Variants in DPYD observed in about 807,000 individuals in gnomAD.
DPYD encodes dihydropyrimidine dehydrogenase.
A neutral mutation model predicts 116.2 loss-of-function variants in DPYD; 109 were observed. The observed-to-expected ratio is 0.94, with a 90% CI of 0.80 to 1.10. DPYD has a LOEUF of 1.10. Among genes scored for constraint, DPYD ranks in the 50% least tolerant of loss-of-function variants. DPYD has a pLI of 0.00. For synonymous variants in DPYD, 440 were observed against 432.0 expected, an observed-to-expected ratio of 1.02 and a Z score of -0.23; for missense variants, 1,302 against 1,254.5, an observed-to-expected ratio of 1.04 and a Z score of -0.57.
chr1:97,230,986 A>C (rs1309182176), intron 19 of DPYD, among the ~76,000 whole-genome samples: 1 of 152,210 alleles, frequency 6.6e-6, no homozygotes, highest in African/African-American at 2.4e-5. Context: ...GAGGAGCCTA[A>C]GTAGAAACTG....
intron 12 of DPYD, among the ~76,000 whole-genome samples, chr1:97,524,912 C>G (rs116021858): frequency 1.3e-5 from 2 of 152,154 alleles, no homozygotes; most frequent in South Asian, 4.1e-4. Flanking sequence ...AAACCCCTGA[C>G]GCAAATTTTC....
chr1:97,361,703 C>A (rs1670735673), intron 16 of DPYD, among the ~76,000 whole-genome samples: 1 of 152,184 alleles, frequency 6.6e-6, no homozygotes, highest in Admixed American at 6.5e-5. Context: ...ATGACAAAAA[C>A]CATATGATTA....
intron 19 of DPYD, among the ~76,000 whole-genome samples, chr1:97,210,688 G>C (rs1228826790): frequency 1.3e-5 from 2 of 152,098 alleles, no homozygotes; most frequent in African/African-American, 2.4e-5. Context: ...TGTCTAGAAA[G>C]TAGGATAGAA....
intron 3 of DPYD, among the ~76,000 whole-genome samples, chr1:97,761,092 C>T (rs116242946): frequency 2.9e-3 from 444 of 152,112 alleles, no homozygotes; most frequent in Non-Finnish European, 4.8e-3. Flanking sequence ...GGGACTACTC[C>T]CAGAGCCACC....
At chr1:97,887,129 C>T (rs918497052) in intron 1 of DPYD, among the ~76,000 whole-genome samples, 1 of 151,932 alleles carries the variant, frequency 6.6e-6, no homozygotes, top group Non-Finnish European at 1.5e-5. Flanking sequence ...CAAGGCTGCA[C>T]CCTGTGAGAA....
At chr1:97,703,518 T>C (rs1307942424) in intron 5 of DPYD, among the ~76,000 whole-genome samples, 1 of 152,032 alleles carries the variant, frequency 6.6e-6, no homozygotes, top group African/African-American at 2.4e-5. Context: ...TTTCACCTAG[T>C]GTTCAAATTC....
intron 2 of DPYD, among the ~76,000 whole-genome samples, chr1:97,871,762 A>C (rs1671668685): frequency 2.6e-5 from 4 of 151,766 alleles, no homozygotes; most frequent in Admixed American, 2.6e-4. Flanking sequence ...TACCATCCTC[A>C]GTATCTTGCT....
At chr1:97,699,590 C>A in intron 5 of DPYD, 43 bp from the exon 6 acceptor site, 3 of 1,565,182 alleles carry the variant, frequency 1.9e-6, no homozygotes. Context: ...TTGAAACTAG[C>A]TTACATCCTC....
At chr1:97,721,428 G>C (rs1662916430) in intron 5 of DPYD, 82 bp downstream of exon 5, 3 of 1,543,786 alleles carry the variant, frequency 1.9e-6, no homozygotes, top group Non-Finnish European at 1.8e-6. Flanking sequence ...GGTATCAACA[G>C]AGCACCAAGG....
intron 13 of DPYD, among the ~76,000 whole-genome samples, chr1:97,491,695 C>T (rs968285662): frequency 1.3e-5 from 2 of 151,966 alleles, no homozygotes; most frequent in African/African-American, 4.8e-5. Context: ...ACAATATAAA[C>T]AATATGAAAA....
intron 3 of DPYD, among the ~76,000 whole-genome samples, chr1:97,817,751 A>C (rs1208753195): frequency 1.3e-5 from 2 of 152,088 alleles, no homozygotes; most frequent in Non-Finnish European, 2.9e-5. Flanking sequence ...TTTAAGGTTT[A>C]CTTAAGCTTT....
rs1367761073 is a variant in DPYD, at chr1:97,316,711, TG to T, written c.2059-10415del. ...AGTCTAGTTCTCCCTTTCCGCTATC[TG>T]TACTCTACATTTCTAGACTTTATCC... On this transcript the variant is annotated intron_variant, in intron 16 of 22. Transcript: ENST00000370192. Among the ~76,000 whole-genome samples the T allele has an allele frequency of 2.0e-5, 3 of 151,850 alleles. No homozygotes were observed. In the East Asian group the frequency reaches 5.9e-4, roughly 30 times the overall value.
intron 18 of DPYD, among the ~76,000 whole-genome samples, chr1:97,248,386 A>T (rs766702695): frequency 2.8e-4 from 42 of 152,156 alleles, no homozygotes; most frequent in Non-Finnish European, 5.3e-4. Flanking sequence ...GCCTGCTGCC[A>T]TCCATGTAAG....
chr1:97,098,410 C>T, intron 21 of DPYD, 79 bp downstream of exon 21: 2 of 1,509,208 alleles, frequency 1.3e-6, no homozygotes, highest in South Asian at 2.3e-5. Context: ...TACATTTAAG[C>T]AGTAAATAAA....
chr1:97,647,308 T>C (rs561490496), intron 8 of DPYD, among the ~76,000 whole-genome samples: 27 of 152,048 alleles, frequency 1.8e-4, no homozygotes, highest in Non-Finnish European at 3.1e-4. Context: ...TTATAAGTAA[T>C]CTTATATTTG....
intron 20 of DPYD, among the ~76,000 whole-genome samples, chr1:97,128,376 T>C (rs1653011070): frequency 6.6e-6 from 1 of 152,228 alleles, no homozygotes; most frequent in South Asian, 2.1e-4. Context: ...GTCTTTGAAC[T>C]AAACAAGAGT....
intron 3 of DPYD, among the ~76,000 whole-genome samples, chr1:97,785,877 T>A (rs972847106): frequency 5.3e-5 from 8 of 150,986 alleles, no homozygotes; most frequent in Non-Finnish European, 1.0e-4. Flanking sequence ...TATTTTGTAG[T>A]AGAGATGGGG....
intron 14 of DPYD, among the ~76,000 whole-genome samples, chr1:97,422,866 A>G (rs1297976524): frequency 1.3e-5 from 2 of 152,170 alleles, no homozygotes; most frequent in Non-Finnish European, 2.9e-5. Context: ...TGAATGAGTA[A>G]ATAAATAAGT....
At chr1:97,747,632 C>A (rs1280829188) in intron 3 of DPYD, among the ~76,000 whole-genome samples, 1 of 152,126 alleles carries the variant, frequency 6.6e-6, no homozygotes, top group Non-Finnish European at 1.5e-5. Flanking sequence ...TAATACATAG[C>A]ATATATGTAT....
Sources: gnomAD v4.1 joint callset for allele counts (sites outside exome capture counted in the v4.1 genomes callset) on GRCh38, gnomAD v4.1.1 for gene constraint, MANE v1.5 for transcripts, NCBI Gene and HGNC (gene_info 2026-07-23, HGNC 2026-07-21) for gene names.